LOC728743: variants seen among roughly 807,000 people sequenced by gnomAD.
chr7:150,403,684 A>G, the LOC728743 span, among the ~76,000 whole-genome samples: 726 of 152,274 alleles, frequency 4.8e-3, 3 homozygotes, highest in African/African-American at 0.017. The surrounding 1 kb of genome is among the most constrained non-coding windows in gnomAD (Gnocchi z 5.1). Context: ...TTGTCTTCCT[A>G]GTATTCCCTT....
At chr7:150,405,804 G>C in the LOC728743 span, 10 of 152,284 alleles carry the variant, frequency 6.6e-5, no homozygotes, top group Non-Finnish European at 1.2e-4. Context: ...AAGGGGCGCG[G>C]GTGTCGCTGC....
At chr7:150,402,555 A>G in the LOC728743 span, among the ~76,000 whole-genome samples, 4 of 152,372 alleles carry the variant, frequency 2.6e-5, no homozygotes, top group East Asian at 1.9e-4. Flanking sequence ...CGTGGGACAA[A>G]GAGACGCTAA....
the LOC728743 span, chr7:150,405,294 G>C: frequency 6.6e-6 from 1 of 152,276 alleles, no homozygotes; most frequent in Non-Finnish European, 1.5e-5. Flanking sequence ...CAGCGGAGAC[G>C]GAAGGCTCGG....
the LOC728743 span, among the ~76,000 whole-genome samples, chr7:150,406,912 T>C: frequency 6.6e-6 from 1 of 152,326 alleles, no homozygotes; most frequent in Non-Finnish European, 1.5e-5. Context: ...GCTGCCGCCT[T>C]TAATGTTTAA....
chr7:150,410,528 T>C, the LOC728743 span: 1 of 270,088 alleles, frequency 3.7e-6, no homozygotes, highest in Non-Finnish European at 6.9e-6. Flanking sequence ...TGGCTAGAGT[T>C]CAGAGACAGG....
the LOC728743 span, chr7:150,407,958 G>A: frequency 2.5e-6 from 1 of 406,298 alleles, no homozygotes; most frequent in Non-Finnish European, 4.4e-6. Flanking sequence ...ACGCACCAGC[G>A]CATCCACAGC....
the LOC728743 span, among the ~76,000 whole-genome samples, chr7:150,403,594 C>T: frequency 4.6e-5 from 7 of 152,274 alleles, no homozygotes; most frequent in South Asian, 1.5e-3. The surrounding 1 kb of genome is among the most constrained non-coding windows in gnomAD (Gnocchi z 5.1). Context: ...AGTGGAGGCA[C>T]GGGTGGGGTT....
chr7:150,410,503 G>A, the LOC728743 span: 3 of 306,258 alleles, frequency 9.8e-6, 1 homozygote, highest in South Asian at 3.2e-4. Flanking sequence ...CTCTGCTCCC[G>A]CCTGGTCCAC....
chr7:150,405,470 C>T, the LOC728743 span: 1 of 150,400 alleles, frequency 6.6e-6, no homozygotes, highest in Non-Finnish European at 1.5e-5. Context: ...AGCGCCGGGA[C>T]TTAATTACGT....
At chr7:150,404,155 T>C in the LOC728743 span, among the ~76,000 whole-genome samples, 1 of 152,254 alleles carries the variant, frequency 6.6e-6, no homozygotes, top group Non-Finnish European at 1.5e-5. Context: ...TTTCTCCACC[T>C]GGCAGCTACA....
At chr7:150,407,978 C>A in the LOC728743 span, 4 of 402,982 alleles carry the variant, frequency 9.9e-6, no homozygotes, top group East Asian at 7.1e-5. Flanking sequence ...CGGCGAGAAG[C>A]CGCACCAGTG....
At chr7:150,402,177 A>G in the LOC728743 span, among the ~76,000 whole-genome samples, 1 of 152,240 alleles carries the variant, frequency 6.6e-6, no homozygotes. Flanking sequence ...TCCCTTGCTT[A>G]GCTTAACCCA....
chr7:150,408,359 AGGTGTGG>A, the LOC728743 span: 1 of 363,642 alleles, frequency 2.7e-6, no homozygotes, highest in East Asian at 4.1e-5. Context: ...GGGCTCTTGA[AGGTGTGG>A]GCCGCCGCCA....
chr7:150,407,845 C>G, the LOC728743 span: 1 of 424,234 alleles, frequency 2.4e-6, no homozygotes. Flanking sequence ...AGGCCTTCAG[C>G]GTCAAGCACA....
At chr7:150,402,683 CTGGGAGA>C in the LOC728743 span, among the ~76,000 whole-genome samples, 1 of 152,170 alleles carries the variant, frequency 6.6e-6, no homozygotes, top group Non-Finnish European at 1.5e-5. Flanking sequence ...CTGTCCAGTC[CTGGGAGA>C]TGGGAGATGG....
At chr7:150,407,761 C>A in the LOC728743 span, 1 of 400,610 alleles carries the variant, frequency 2.5e-6, no homozygotes, top group Non-Finnish European at 4.4e-6. Flanking sequence ...CGCAGCAGCC[C>A]AGCCTGGTGC....
At chr7:150,404,038 G>T in the LOC728743 span, among the ~76,000 whole-genome samples, 1 of 152,190 alleles carries the variant, frequency 6.6e-6, no homozygotes, top group East Asian at 1.9e-4. Flanking sequence ...ATGGTATCGG[G>T]AGGCCCGCAT....
At chr7:150,407,208 G>A in the LOC728743 span, among the ~76,000 whole-genome samples, 1 of 152,310 alleles carries the variant, frequency 6.6e-6, no homozygotes, top group South Asian at 2.1e-4. Flanking sequence ...GGGGTTGAAA[G>A]AAGGCAGCTC....
the LOC728743 span, chr7:150,408,236 C>A: frequency 2.6e-6 from 1 of 388,994 alleles, no homozygotes; most frequent in South Asian, 1.3e-4. Context: ...CGCCCGGGGC[C>A]TGCTGCCGAC....
Sources: allele counts gnomAD v4.1 joint callset (sites outside exome capture counted in the v4.1 genomes callset), GRCh38; gene constraint gnomAD v4.1.1; non-coding constraint Gnocchi (gnomAD v3.1); transcripts MANE v1.5.